The following PLSCR2 variants were observed in gnomAD, a reference collection of about 807,000 sequenced individuals.
PLSCR2 encodes the protein PL scramblase 2.
PLSCR2 carries 18 observed loss-of-function variants against 25.3 expected under a neutral mutation model. The observed-to-expected ratio is 0.71, with a 90% CI of 0.49 to 1.06. The LOEUF (loss-of-function observed/expected upper bound fraction) is 1.06, where lower values mean the gene tolerates loss of function less well. PLSCR2 is among the 50% of genes least tolerant of loss of function. PLSCR2 has a pLI of 0.00. For synonymous variants in PLSCR2, 88 were observed against 87.3 expected (o/e 1.01, Z -0.04); for missense variants, 243 against 269.5 (o/e 0.90, Z 0.69).
At chr3:146,471,096 T>C (rs2042102739) in intron 1 of PLSCR2, among the ~76,000 whole-genome samples, 1 of 152,176 alleles carries the variant, frequency 6.6e-6, no homozygotes, top group South Asian at 2.1e-4. Flanking sequence ...TTCTCTGATG[T>C]GTTTTTCACC....
chr3:146,468,922 T>TAA (rs370571992), intron 1 of PLSCR2, among the ~76,000 whole-genome samples: 2 of 152,172 alleles, frequency 1.3e-5, no homozygotes, highest in Admixed American at 6.5e-5. Context: ...AGAACATATA[T>TAA]GAAGAAAGTG....
chr3:146,486,356 TC>T (rs2043340671), intron 1 of PLSCR2, among the ~76,000 whole-genome samples: 1 of 144,732 alleles, frequency 6.9e-6, no homozygotes, highest in African/African-American at 2.5e-5. Flanking sequence ...GAAAAACCCT[TC>T]AAAAAAAATC....
chr3:146,409,851 TG>T (rs1417714954), intron 2 of PLSCR2, among the ~76,000 whole-genome samples: 2 of 152,214 alleles, frequency 1.3e-5, no homozygotes, highest in South Asian at 2.1e-4. Context: ...ACTCACTCCC[TG>T]GGGGGCTGGA....
At chr3:146,492,668 G>A (rs1371141352) in intron 1 of PLSCR2, among the ~76,000 whole-genome samples, 1 of 151,970 alleles carries the variant, frequency 6.6e-6, no homozygotes, top group East Asian at 1.9e-4. Context: ...AAAGTTTATA[G>A]TGCCAAACAG....
At chr3:146,406,763 T>A (rs1238104585) in intron 2 of PLSCR2, among the ~76,000 whole-genome samples, 1 of 152,058 alleles carries the variant, frequency 6.6e-6, no homozygotes, top group Non-Finnish European at 1.5e-5. Context: ...ATTGTGAGGA[T>A]GATGGTGTGA....
intron 2 of PLSCR2, among the ~76,000 whole-genome samples, chr3:146,417,173 G>T (rs1020803690): frequency 8.5e-5 from 13 of 152,180 alleles, no homozygotes; most frequent in African/African-American, 3.1e-4. Flanking sequence ...AGGTTGCTCA[G>T]AATAAAACTT....
chr3:146,439,369 T>A (rs1043179610), downstream of PLSCR2, among the ~76,000 whole-genome samples: 1 of 152,230 alleles, frequency 6.6e-6, no homozygotes, highest in African/African-American at 2.4e-5. Flanking sequence ...CTGAAGTGTG[T>A]TTTCCAACTT....
intron 8 of PLSCR2, among the ~76,000 whole-genome samples, chr3:146,435,899 G>A (rs1309619258): frequency 6.6e-6 from 1 of 152,168 alleles, no homozygotes; most frequent in Non-Finnish European, 1.5e-5. Flanking sequence ...GGTTTTTACG[G>A]TTTTAGGTCT....
chr3:146,486,369 A>G (rs2043341278), intron 1 of PLSCR2, among the ~76,000 whole-genome samples: 1 of 145,980 alleles, frequency 6.9e-6, no homozygotes, highest in Non-Finnish European at 1.5e-5. Context: ...AAAAAAATCA[A>G]TGAATCCAGG....
At chr3:146,403,143 AACACAC>A (rs77006503) in intron 2 of PLSCR2, among the ~76,000 whole-genome samples, 1 of 150,208 alleles carries the variant, frequency 6.7e-6, no homozygotes, top group Non-Finnish European at 1.5e-5. Flanking sequence ...ACATATTGTA[AACACAC>A]ACACACACAC....
At chr3:146,421,269 G>A (rs969841349) in intron 2 of PLSCR2, among the ~76,000 whole-genome samples, 5 of 152,000 alleles carry the variant, frequency 3.3e-5, no homozygotes, top group Middle Eastern at 3.4e-3. Flanking sequence ...GTATACTGAA[G>A]ATCTATGTGG....
intron 2 of PLSCR2, among the ~76,000 whole-genome samples, chr3:146,416,284 G>C (rs2039005584): frequency 1.3e-5 from 2 of 151,778 alleles, no homozygotes; most frequent in Admixed American, 6.6e-5. Context: ...GAGATTCCTA[G>C]GAAATAAATT....
intron 2 of PLSCR2, among the ~76,000 whole-genome samples, chr3:146,416,100 A>G (rs1361940691): frequency 6.6e-6 from 1 of 151,944 alleles, no homozygotes; most frequent in Non-Finnish European, 1.5e-5. Flanking sequence ...ACAGGTGCCC[A>G]CCACCACGCC....
intron 3 of PLSCR2, among the ~76,000 whole-genome samples, chr3:146,394,275 C>CTTTTCT (rs1553767080): frequency 2.0e-5 from 3 of 150,552 alleles, no homozygotes; most frequent in Non-Finnish European, 4.4e-5. Flanking sequence ...CTTTTCTTTT[C>CTTTTCT]TTTTTTTTTG....
intron 1 of PLSCR2, among the ~76,000 whole-genome samples, chr3:146,474,856 A>T (rs1161700060): frequency 6.6e-6 from 1 of 151,104 alleles, no homozygotes; most frequent in Admixed American, 6.6e-5. Context: ...TTTTTTCTCT[A>T]TTCTCGTCTG....
chr3:146,447,925 G>A (rs1423348364), intron 6 of PLSCR2, among the ~76,000 whole-genome samples: 1 of 152,190 alleles, frequency 6.6e-6, no homozygotes, highest in African/African-American at 2.4e-5. Flanking sequence ...GTCTCCATGA[G>A]TGCCATGCCA....
chr3:146,480,866 A>C (rs576556758), intron 1 of PLSCR2, among the ~76,000 whole-genome samples: 1 of 152,098 alleles, frequency 6.6e-6, no homozygotes, highest in African/African-American at 2.4e-5. Context: ...CCAGCAGCAC[A>C]TCAAAAAGCT....
intron 1 of PLSCR2, among the ~76,000 whole-genome samples, chr3:146,481,355 T>C (rs2043123091): frequency 6.6e-6 from 1 of 152,192 alleles, no homozygotes; most frequent in South Asian, 2.1e-4. Flanking sequence ...GCCCAAAATC[T>C]CCTTAAGCTG....
chr3:146,420,149 A>G (rs1014993925), intron 2 of PLSCR2, among the ~76,000 whole-genome samples: 26 of 152,108 alleles, frequency 1.7e-4, no homozygotes, highest in African/African-American at 6.0e-4. Flanking sequence ...CCTTTGGTTA[A>G]TTTTCCAAGT....
Sources: allele counts gnomAD v4.1 joint callset (sites outside exome capture counted in the v4.1 genomes callset), GRCh38; gene constraint gnomAD v4.1.1; transcripts MANE v1.5; gene names NCBI Gene and HGNC (gene_info 2026-07-23, HGNC 2026-07-21).